The following IGFBP2 variants were observed in gnomAD, a reference collection of about 807,000 sequenced individuals.
The protein encoded by IGFBP2 is insulin like growth factor binding protein 2, also known as insulin-like growth factor-binding protein 2.
Under a neutral mutation model 26.2 loss-of-function variants are expected in IGFBP2, and 12 were observed. That is an observed-to-expected ratio of 0.46 (90% confidence interval 0.29 to 0.74). The LOEUF (loss-of-function observed/expected upper bound fraction) is 0.74. Ranked by LOEUF, IGFBP2 falls within the 30% of genes least tolerant of loss-of-function variation. The probability of loss-of-function intolerance (pLI) is 0.09; values close to 1 mark genes in which losing one functional copy is unlikely to be tolerated. For missense variants in IGFBP2, 328 were observed against 441.2 expected (o/e 0.74, Z 2.30); for synonymous variants, 189 against 200.6 (o/e 0.94, Z 0.49).
chr2:216,652,376 A>G (rs957837975), intron 1 of IGFBP2, among the ~76,000 whole-genome samples: 1 of 152,086 alleles, frequency 6.6e-6, no homozygotes, highest in Admixed American at 6.5e-5. Context: ...GTGTTACTCC[A>G]TGTTGGTCAG....
chr2:216,634,906 T>TTTTTTTTTTTTTTTTTTTA lies in IGFBP2; in HGVS notation c.442+941_442+942insTTTTTTTTTTTTTTTTTTA, dbSNP rs371560018. Among the ~76,000 whole-genome samples the TTTTTTTTTTTTTTTTTTTA allele has an allele frequency of 4.4e-4, 57 of 128,518 alleles. 1 individual carries two copies. Among genetic ancestry groups the TTTTTTTTTTTTTTTTTTTA allele is most frequent in the African/African-American group, 1.5e-3 (53 of 35,412 alleles). The allele number at this position is 128,518 out of a possible 152,430, so 84.3% of individuals were successfully genotyped here. A position where few individuals can be genotyped will look rare whatever the true frequency, so the allele number is the denominator to read the frequency against. On this transcript the variant is annotated intron_variant, in intron 1 of 3. Transcript: ENST00000233809. ...TAAGGAGGTTACTTTTTTTTTTTTT[T>TTTTTTTTTTTTTTTTTTTA]AATTACGAAAGCCTCCTGCCCCAGT...
At chr2:216,636,874 A>G (rs1330170698) in intron 1 of IGFBP2, among the ~76,000 whole-genome samples, 1 of 137,734 alleles carries the variant, frequency 7.3e-6, no homozygotes, top group African/African-American at 2.7e-5. Flanking sequence ...AAGGTGCTAC[A>G]GAAATGTGTA....
intron 1 of IGFBP2, among the ~76,000 whole-genome samples, chr2:216,655,966 TATATA>T (rs1179925736): frequency 1.3e-5 from 2 of 152,122 alleles, no homozygotes; most frequent in Non-Finnish European, 2.9e-5. Flanking sequence ...GTATTAATAT[TATATA>T]GTAAGACTTT....
chr2:216,651,548 T>A (rs1013522681), intron 1 of IGFBP2, among the ~76,000 whole-genome samples: 2 of 152,244 alleles, frequency 1.3e-5, no homozygotes, highest in Non-Finnish European at 2.9e-5. Context: ...TTCTATTAAA[T>A]GGCAGAGAGC....
intron 1 of IGFBP2, among the ~76,000 whole-genome samples, chr2:216,641,792 C>A (rs1471445774): frequency 2.6e-5 from 4 of 151,022 alleles, no homozygotes; most frequent in African/African-American, 9.8e-5. Flanking sequence ...TGGGTTCACG[C>A]CATTCTCCTG....
rs1001294287 is a variant in IGFBP2 at position 216,633,675 on chromosome 2, C to T, written c.152C>T (p.Ala51Val). The T allele has an allele frequency of 2.7e-6, 3 of 1,124,190 alleles. No individual in the cohort carries two copies. Among genetic ancestry groups the T allele is most frequent in the Non-Finnish European group, 3.3e-6 (3 of 921,684 alleles). The allele number at this position is 1,124,190 out of a possible 1,614,324, so 69.6% of individuals were successfully genotyped here. ...CCGCCCTGCACACCCGAGCGCCTGG[C>T]CGCCTGCGGGCCCCCGCCGGTTGCG... ...RCPPCTPERL[A>V]ACGPPPVAPP... Residue 51 changes from alanine to valine, a missense_variant, in exon 1 of 4, where the codon GCC becomes GTC. Physicochemically the swap from Ala to Val is moderately conservative, Grantham distance 64 (BLOSUM62 0). Transcript: ENST00000233809.
rs556510092 is a variant in IGFBP2 at position 216,647,657 on chromosome 2, C to T, written c.443-12900C>T. ...GCCTCAGCCTCCTGAGTAGCTGGGACTACAGGCGCCCACCACCACGCCTGG... is the reference window on the plus strand; with the variant it reads ...GCCTCAGCCTCCTGAGTAGCTGGGATTACAGGCGCCCACCACCACGCCTGG... On this transcript the variant is annotated intron_variant, in intron 1 of 3. Transcript: ENST00000233809. 9.9e-5 allele frequency among the ~76,000 whole-genome samples: 15 copies of T among 152,008 alleles called. No individual in the cohort carries two copies. The South Asian group carries it at 1.3e-3, about 13-fold the overall frequency.
At position 216,647,741 on chromosome 2, in the gene IGFBP2, CG is replaced by C. The variant is rs544668322; in HGVS notation, c.443-12815del. Among the ~76,000 whole-genome samples the C allele has an allele frequency of 3.6e-4, 55 of 152,252 alleles. 1 individual carries two copies. In the South Asian group the frequency reaches 0.011, roughly 30 times the overall value. On this transcript the variant is annotated intron_variant, in intron 1 of 3. Coordinates refer to ENST00000233809, the MANE Select transcript of IGFBP2 (RefSeq NM_000597.3). ...TTCACCATGTTAGCCAGGATGGTCT[CG>C]ATTTGCTGACCTCGTGATCTGCCCG...
intron 2 of IGFBP2, 87 bp downstream of exon 2, chr2:216,660,873 C>T (rs1372537392): frequency 2.0e-6 from 2 of 1,025,524 alleles, no homozygotes; most frequent in Non-Finnish European, 2.9e-6. Context: ...ATAAGACCCT[C>T]ATCTGGTGTG....
chr2:216,663,916 C>G, intron 3 of IGFBP2, 24 bp from the exon 4 acceptor site: 1 of 1,607,768 alleles, frequency 6.2e-7, no homozygotes, highest in South Asian at 1.1e-5. Flanking sequence ...CGGGCTCCTC[C>G]ATGCTCTTCT....
chr2:216,636,490 G>A (rs1574552060), intron 1 of IGFBP2, among the ~76,000 whole-genome samples: 1 of 152,100 alleles, frequency 6.6e-6, no homozygotes, highest in East Asian at 1.9e-4. Context: ...TGGAAGGAGT[G>A]GGTGGTGGTG....
chr2:216,632,984 T>A (rs1697407714), upstream of IGFBP2: 1 of 151,464 alleles, frequency 6.6e-6, no homozygotes, highest in African/African-American at 2.4e-5. Context: ...ATGGAAGGAG[T>A]TGGTATGAGC....
intron 1 of IGFBP2, among the ~76,000 whole-genome samples, chr2:216,636,662 GGTGGA>G (rs1212889754): frequency 6.6e-6 from 1 of 152,196 alleles, no homozygotes; most frequent in Non-Finnish European, 1.5e-5. Context: ...TGTGTTTGGT[GGTGGA>G]GTGGATAGAA....
At chr2:216,648,313 A>G (rs555531773) in intron 1 of IGFBP2, among the ~76,000 whole-genome samples, 1 of 152,100 alleles carries the variant, frequency 6.6e-6, no homozygotes, top group African/African-American at 2.4e-5. Context: ...TGATTACTTC[A>G]TCTTCCCCTT....
At chr2:216,638,348 T>C (rs889541331) in intron 1 of IGFBP2, among the ~76,000 whole-genome samples, 2 of 151,164 alleles carry the variant, frequency 1.3e-5, no homozygotes, top group Non-Finnish European at 2.9e-5. Context: ...CTACTAAAAA[T>C]GCAAAAATTA....
intron 2 of IGFBP2, chr2:216,661,312 C>A: frequency 3.7e-6 from 1 of 271,504 alleles, no homozygotes. Flanking sequence ...CTATGTTGTC[C>A]AGGCTGGTCT....
chr2:216,633,054 T>C (rs943530201), upstream of IGFBP2: 1 of 152,204 alleles, frequency 6.6e-6, no homozygotes, highest in African/African-American at 2.4e-5. Context: ...TCCCCAGCGG[T>C]TAGCCCAGTG....
At chr2:216,663,896 T>C in intron 3 of IGFBP2, 44 bp from the exon 4 acceptor site, 1 of 1,581,262 alleles carries the variant, frequency 6.3e-7, no homozygotes, top group Non-Finnish European at 8.6e-7. Context: ...AGAAGGAAAG[T>C]TGCTGGCTGC....
chr2:216,656,358 C>T lies in IGFBP2; in HGVS notation c.443-4199C>T, dbSNP rs1422744875. 8.5e-5 allele frequency among the ~76,000 whole-genome samples: 13 copies of T among 152,218 alleles called. No homozygotes were observed. In the South Asian group the frequency reaches 1.7e-3, roughly 19 times the overall value. ...ATTGTGGCTGCAGATGGAAGGGTAG[C>T]GGAGGGGTCTTAGCCGTGGATGCGG... On this transcript the variant is annotated intron_variant, in intron 1 of 3. Transcript: ENST00000233809.
Sources: gnomAD v4.1 joint callset for allele counts (sites outside exome capture counted in the v4.1 genomes callset) on GRCh38, gnomAD v4.1.1 for gene constraint, MANE v1.5 for transcripts, NCBI Gene and HGNC (gene_info 2026-07-23, HGNC 2026-07-21) for gene names.